The following PIK3C3 variants were observed in gnomAD, a reference collection of about 807,000 sequenced individuals.
PIK3C3 encodes PI3-kinase type 3.
Under a neutral mutation model 126.1 loss-of-function variants are expected in PIK3C3, and 95 were observed. That is an observed-to-expected ratio of 0.75 (90% CI 0.64 to 0.89). PIK3C3 has a LOEUF of 0.89. Ranked by LOEUF, PIK3C3 falls within the 40% of genes least tolerant of loss-of-function variation. The pLI is 0.00. For missense variants in PIK3C3, 829 were observed against 1,063.2 expected (o/e 0.78, Z 3.06); for synonymous variants, 374 against 360.0 (o/e 1.04, Z -0.44).
rs185145602 is a variant in PIK3C3 at position 42,081,429 on chromosome 18, T to C, written c.*292T>C. ...CTTATTTATGTACATGTTATGAGAG[T>C]TCTGGAGGAAGTAATATGTTGAAAT... On this transcript the variant is annotated 3_prime_UTR_variant, in exon 25 of 25. Coordinates refer to ENST00000262039, the MANE Select transcript of PIK3C3 (RefSeq NM_002647.4). 3.4e-4 allele frequency: 110 copies of C among 322,900 alleles called. 1 individual carries two copies. The East Asian group carries it at 4.7e-3, about 14-fold the overall frequency. 20.0% of individuals were successfully genotyped at this position (322,900 alleles called of 1,614,324 possible). A position where few individuals can be genotyped will look rare whatever the true frequency, so the allele number is the denominator to read the frequency against.
rs75538027 is a variant in PIK3C3, at chr18:42,082,793, A to C, written c.*1656A>C. 2.0e-5 allele frequency: 3 copies of C among 152,326 alleles called. No individual in the cohort carries two copies. The East Asian group carries it at 5.8e-4, about 29-fold the overall frequency. 9.4% of individuals were successfully genotyped at this position (152,326 alleles called of 1,614,324 possible). A position where few individuals can be genotyped will look rare whatever the true frequency, so the allele number is the denominator to read the frequency against. ...CAGCTTTGGGGGGCATATGATCCCAATAGCATCAACTTAACTCTGCTAACT... is the reference window on the plus strand; with the variant it reads ...CAGCTTTGGGGGGCATATGATCCCACTAGCATCAACTTAACTCTGCTAACT... On this transcript the variant is annotated 3_prime_UTR_variant, in exon 25 of 25. Coordinates refer to ENST00000262039, the MANE Select transcript of PIK3C3 (RefSeq NM_002647.4).
At chr18:42,075,988 G>A (rs1385617409) in intron 24 of PIK3C3, among the ~76,000 whole-genome samples, 2 of 148,708 alleles carry the variant, frequency 1.3e-5, no homozygotes, top group Non-Finnish European at 3.0e-5. Context: ...CATCAGTACT[G>A]AAAATCTGTT....
chr18:42,040,806 A>C, intron 19 of PIK3C3, 65 bp downstream of exon 19: 3 of 1,064,306 alleles, frequency 2.8e-6, no homozygotes, highest in Non-Finnish European at 4.2e-6. Context: ...TTCAGTCTTT[A>C]TAACATAGAG....
intron 13 of PIK3C3, chr18:42,026,105 C>T (rs1983554991): frequency 6.6e-6 from 1 of 152,164 alleles, no homozygotes; most frequent in Non-Finnish European, 1.5e-5. Context: ...AAAGATAAAA[C>T]AGTGTGAAAG....
intron 24 of PIK3C3, chr18:42,070,442 AG>A (rs1264251519): frequency 6.6e-6 from 1 of 152,158 alleles, no homozygotes; most frequent in African/African-American, 2.4e-5. Context: ...AATTTGCATA[AG>A]ATGCCCATTT....
chr18:41,962,468 A>T (rs751069663), intron 2 of PIK3C3, 21 bp from the exon 3 acceptor site: 1 of 1,591,268 alleles, frequency 6.3e-7, no homozygotes, highest in Non-Finnish European at 8.6e-7. Context: ...TTTCTGATTT[A>T]TGTTAACTTC....
At chr18:42,026,420 T>C (rs1983572441) in intron 13 of PIK3C3, 1 of 152,200 alleles carries the variant, frequency 6.6e-6, no homozygotes, top group African/African-American at 2.4e-5. Flanking sequence ...GTTTTATACA[T>C]CTGTGTGCAT....
intron 9 of PIK3C3, 73 bp from the exon 10 acceptor site, chr18:42,004,283 G>T: frequency 8.8e-7 from 1 of 1,142,158 alleles, no homozygotes; most frequent in Non-Finnish European, 1.3e-6. Flanking sequence ...GGACCTAGTG[G>T]AACTCTGCCT....
intron 20 of PIK3C3, among the ~76,000 whole-genome samples, chr18:42,044,947 A>G: frequency 6.6e-6 from 1 of 152,292 alleles, no homozygotes; most frequent in Middle Eastern, 3.4e-3. Context: ...AAACTTGCAT[A>G]TTATTTTCTG....
chr18:42,022,013 T>G (rs1983345875), intron 13 of PIK3C3, among the ~76,000 whole-genome samples: 1 of 152,202 alleles, frequency 6.6e-6, no homozygotes, highest in Admixed American at 6.5e-5. Flanking sequence ...AAGACTGATT[T>G]GGGAAGCTGC....
chr18:42,063,316 T>C (rs945751777), intron 22 of PIK3C3, among the ~76,000 whole-genome samples: 1 of 152,210 alleles, frequency 6.6e-6, no homozygotes, highest in African/African-American at 2.4e-5. Context: ...AGTTCACCAC[T>C]GTCTGTCTGT....
At chr18:41,955,603 C>A (rs1317621931) in intron 1 of PIK3C3, among the ~76,000 whole-genome samples, 1 of 152,330 alleles carries the variant, frequency 6.6e-6, no homozygotes, top group Non-Finnish European at 1.5e-5. Context: ...TTAAGTTCCG[C>A]TGTATTTTAC....
rs1030787874 is a variant in PIK3C3, at chr18:42,064,920, T to A, written c.2523+90T>A. 1.5e-5 allele frequency: 10 copies of A among 688,096 alleles called. No homozygotes were observed. The African/African-American group carries it at 1.8e-4, about 12-fold the overall frequency. 42.6% of individuals were successfully genotyped at this position (688,096 alleles called of 1,614,324 possible). ...CAACCTCTCAAGTCTCTGCAGCCAG[T>A]TTTATCCCCTTCCTTGTTCCTGCCC... is the stretch of plus-strand genomic sequence containing the variant. On this transcript the variant is annotated intron_variant, in intron 23 of 24. Transcript: ENST00000262039.
At chr18:42,020,732 TTTC>T in intron 13 of PIK3C3, 27 bp downstream of exon 13, 8 of 1,279,054 alleles carry the variant, frequency 6.3e-6, no homozygotes, top group Non-Finnish European at 9.0e-6. Flanking sequence ...TTCTGTTTAT[TTTC>T]TTATTACCCT....
rs562591443 is a variant in PIK3C3 at position 42,079,432 on chromosome 18, A to G, written c.2650-1691A>G. ...CGAAGATCGCTGATCATAGATCACC[A>G]TAGCAGGTGGAATAGTAATGAAAAA... On this transcript the variant is annotated intron_variant, in intron 24 of 24. Transcript: ENST00000262039. 4.0e-3 allele frequency among the ~76,000 whole-genome samples: 602 copies of G among 152,356 alleles called. 3 individuals carry two copies. Among genetic ancestry groups the G allele is most frequent in the African/African-American group, 0.014 (566 of 41,580 alleles).
At chr18:42,056,235 A>C (rs1296667928) in intron 21 of PIK3C3, among the ~76,000 whole-genome samples, 1 of 152,176 alleles carries the variant, frequency 6.6e-6, no homozygotes, top group Non-Finnish European at 1.5e-5. Context: ...ATGGCTATTT[A>C]ACTTGTAAAG....
intron 16 of PIK3C3, among the ~76,000 whole-genome samples, chr18:42,034,561 C>T (rs1196928491): frequency 6.6e-6 from 1 of 152,154 alleles, no homozygotes; most frequent in Non-Finnish European, 1.5e-5. Flanking sequence ...CTTATATTTT[C>T]ACGTGGCAAT....
At chr18:42,021,389 C>G (rs909972479) in intron 13 of PIK3C3, among the ~76,000 whole-genome samples, 15 of 152,030 alleles carry the variant, frequency 9.9e-5, no homozygotes, top group African/African-American at 3.4e-4. Context: ...CCCCAGAATC[C>G]TGAAGAGAAA....
In PIK3C3 at chr18:42,087,783, A is replaced by G. The variant is rs1986428312; in HGVS notation, c.*6646A>G. 1 of 152,222 alleles carries G rather than the reference A, an allele frequency of 6.6e-6. No individual in the cohort carries two copies. Among genetic ancestry groups the G allele is most frequent in the South Asian group, 2.1e-4 (1 of 4,830 alleles). The allele number at this position is 152,222 out of a possible 1,614,324, so 9.4% of individuals were successfully genotyped here. A position where few individuals can be genotyped will look rare whatever the true frequency, so the allele number is the denominator to read the frequency against. On this transcript the variant is annotated 3_prime_UTR_variant, in exon 25 of 25. Coordinates refer to ENST00000262039, the MANE Select transcript of PIK3C3 (RefSeq NM_002647.4). ...TTTAGTTAACTGTTTGTAAAAATAA[A>G]TGGTTAGTAGAATGTCTAATTCAAT...
Sources: allele counts gnomAD v4.1 joint callset (sites outside exome capture counted in the v4.1 genomes callset), GRCh38; gene constraint gnomAD v4.1.1; transcripts MANE v1.5; gene names NCBI Gene and HGNC (gene_info 2026-07-23, HGNC 2026-07-21).